Variants in SPON1 observed in about 807,000 individuals in gnomAD.
SPON1 encodes the protein spondin 1, also known as spondin-1.
A neutral mutation model predicts 111.7 loss-of-function variants in SPON1; 52 were observed. The observed-to-expected ratio is 0.47, with a 90% CI of 0.37 to 0.59. The LOEUF (loss-of-function observed/expected upper bound fraction) is 0.59, where lower values mean the gene tolerates loss of function less well. Among genes scored for constraint, SPON1 ranks in the 20% least tolerant of loss-of-function variants. The probability of loss-of-function intolerance (pLI) is 0.00; values close to 1 mark genes in which losing one functional copy is unlikely to be tolerated. For missense variants in SPON1, 957 were observed against 1,068.5 expected, an observed-to-expected ratio of 0.90 and a Z score of 1.46; for synonymous variants, 410 against 395.8, an observed-to-expected ratio of 1.04 and a Z score of -0.43.
chr11:14,146,761 C>T (rs1354492896), intron 6 of SPON1, among the ~76,000 whole-genome samples: 2 of 151,922 alleles, frequency 1.3e-5, no homozygotes, highest in African/African-American at 4.8e-5. Flanking sequence ...ATACACAGAT[C>T]AATAGAATCT....
In SPON1 at chr11:14,259,935, A is replaced by G. The variant is rs1208505078; in HGVS notation, c.1831+234A>G. Among the ~76,000 whole-genome samples the G allele has an allele frequency of 6.6e-6, 1 of 152,168 alleles. No homozygotes were observed. Among genetic ancestry groups the G allele is most frequent in the Admixed American group, 6.5e-5 (1 of 15,276 alleles). On this transcript the variant is annotated intron_variant, in intron 13 of 15. Transcript: ENST00000576479. This position sits in a 1 kb window ranked among gnomAD's most constrained non-coding sequence, Gnocchi z 5.0. ...ATTCTAAGCAATGCTGGGGTGGCAA[A>G]CTGGTGGCCTCTGGATAGAGAATTC...
intron 3 of SPON1, among the ~76,000 whole-genome samples, chr11:14,054,709 T>C (rs939187536): frequency 1.3e-5 from 2 of 152,152 alleles, no homozygotes; most frequent in African/African-American, 4.8e-5. Context: ...TGGGGGTGAC[T>C]AGGCCACAAT....
chr11:14,231,995 C>T (rs1554938808), intron 6 of SPON1, among the ~76,000 whole-genome samples: 1 of 147,512 alleles, frequency 6.8e-6, no homozygotes, highest in Non-Finnish European at 1.5e-5. Flanking sequence ...GTGTGTTTGT[C>T]TCTGTGTGTG....
rs1554909397 is a variant in SPON1 at position 13,979,867 on chromosome 11, T to G, written c.239-2980T>G. ...TCCTCCAGAATTGTGTATAATGGCC[T>G]TGAAGACCACCCACCCTCACCCTAG... is the stretch of plus-strand genomic sequence containing the variant. On this transcript the variant is annotated intron_variant, in intron 1 of 15. Coordinates refer to ENST00000576479, the MANE Select transcript of SPON1 (RefSeq NM_006108.4). Among the ~76,000 whole-genome samples, 5 of 152,348 alleles carry G rather than the reference T, an allele frequency of 3.3e-5. No homozygotes were observed. The South Asian group carries it at 8.3e-4, about 25-fold the overall frequency.
intron 6 of SPON1, among the ~76,000 whole-genome samples, chr11:14,208,685 T>C (rs1469470629): frequency 6.6e-6 from 1 of 152,202 alleles, no homozygotes; most frequent in African/African-American, 2.4e-5. Context: ...TTGGCACATG[T>C]TTAATAAATG....
chr11:14,006,933 T>G (rs1848366401), intron 2 of SPON1, among the ~76,000 whole-genome samples: 1 of 152,132 alleles, frequency 6.6e-6, no homozygotes, highest in South Asian at 2.1e-4. Context: ...AATTCTGGGG[T>G]CCAGAAATTC....
chr11:13,975,015 A>T lies in SPON1; in HGVS notation c.239-7832A>T, dbSNP rs553550000. Among the ~76,000 whole-genome samples the T allele has an allele frequency of 5.9e-5, 9 of 152,318 alleles. No homozygotes were observed. In the South Asian group the frequency reaches 1.9e-3, roughly 32 times the overall value. ...TCCACTGGATAAACTCCTATTCTTC[A>T]TTCAACTTACAACACAGATACTACC... On this transcript the variant is annotated intron_variant, in intron 1 of 15. Transcript: ENST00000576479.
At chr11:14,160,571 T>A (rs1257915733) in intron 6 of SPON1, among the ~76,000 whole-genome samples, 1 of 26,044 alleles carries the variant, frequency 3.8e-5, no homozygotes, top group Non-Finnish European at 6.3e-5. Context: ...ATATATATAT[T>A]TATATATATA....
At chr11:14,013,033 G>C (rs1554913891) in intron 2 of SPON1, among the ~76,000 whole-genome samples, 1 of 152,160 alleles carries the variant, frequency 6.6e-6, no homozygotes, top group African/African-American at 2.4e-5. Context: ...CTGTGAGTCT[G>C]TTTCTAACGG....
At chr11:14,081,645 T>C (rs1554922066) in intron 5 of SPON1, among the ~76,000 whole-genome samples, 1 of 151,314 alleles carries the variant, frequency 6.6e-6, no homozygotes, top group Non-Finnish European at 1.5e-5. Context: ...CATTGTCTGT[T>C]TTGTTCTTGT....
intron 6 of SPON1, among the ~76,000 whole-genome samples, chr11:14,222,937 C>G (rs1848696668): frequency 6.6e-6 from 1 of 152,212 alleles, no homozygotes; most frequent in African/African-American, 2.4e-5. Context: ...TCCCACCCAT[C>G]CTTTACTGAT....
chr11:14,039,681 T>A (rs1848618942), intron 2 of SPON1, among the ~76,000 whole-genome samples: 3 of 152,190 alleles, frequency 2.0e-5, no homozygotes, highest in Admixed American at 1.3e-4. Context: ...TCTCAGTTTC[T>A]TTAGGCAAGA....
intron 6 of SPON1, among the ~76,000 whole-genome samples, chr11:14,229,311 G>A (rs1848770577): frequency 6.6e-6 from 1 of 152,152 alleles, no homozygotes; most frequent in Non-Finnish European, 1.5e-5. Context: ...GAGAGTCTTG[G>A]GTCATCAGTA....
chr11:14,057,838 A>AAAAAAAACAAAAC (rs1318170668), intron 3 of SPON1, among the ~76,000 whole-genome samples: 1 of 117,744 alleles, frequency 8.5e-6, no homozygotes, highest in African/African-American at 3.5e-5. Context: ...CTACAAAAAA[A>AAAAAAAACAAAAC]AAAAACAAAA....
chr11:14,106,940 A>G (rs1029759995), intron 5 of SPON1, among the ~76,000 whole-genome samples: 1 of 152,196 alleles, frequency 6.6e-6, no homozygotes, highest in Non-Finnish European at 1.5e-5. Context: ...TGCTGCCTGC[A>G]GGGAACACAT....
chr11:14,175,406 G>A (rs1385709129), intron 6 of SPON1, among the ~76,000 whole-genome samples: 1 of 152,080 alleles, frequency 6.6e-6, no homozygotes, highest in Non-Finnish European at 1.5e-5. Flanking sequence ...TTGGTTTCAG[G>A]GACCCATAGC....
chr11:14,091,406 G>T (rs1394707013), intron 5 of SPON1, among the ~76,000 whole-genome samples: 1 of 152,206 alleles, frequency 6.6e-6, no homozygotes, highest in Non-Finnish European at 1.5e-5. Context: ...GGCTCGGGCC[G>T]CACAGGAGCC....
At chr11:14,081,752 G>A (rs993737791) in intron 5 of SPON1, among the ~76,000 whole-genome samples, 1 of 152,038 alleles carries the variant, frequency 6.6e-6, no homozygotes, top group Admixed American at 6.6e-5. Flanking sequence ...AAAGGAAAGG[G>A]GGAGAAAAGG....
At chr11:14,215,758 T>G (rs1223975809) in intron 6 of SPON1, among the ~76,000 whole-genome samples, 1 of 152,186 alleles carries the variant, frequency 6.6e-6, no homozygotes, top group Non-Finnish European at 1.5e-5. Context: ...CGACTTAAGA[T>G]AGAAGTATAT....
Sources: gnomAD v4.1 joint callset for allele counts (sites outside exome capture counted in the v4.1 genomes callset) on GRCh38, gnomAD v4.1.1 for gene constraint, Gnocchi (gnomAD v3.1) non-coding constraint, MANE v1.5 for transcripts, NCBI Gene and HGNC (gene_info 2026-07-23, HGNC 2026-07-21) for gene names.